Variants in ITSN2 observed in about 807,000 individuals in gnomAD.
ITSN2 encodes the protein intersectin-2.
A neutral mutation model predicts 243.7 loss-of-function variants in ITSN2; 156 were observed. That is an observed-to-expected ratio of 0.64 (90% CI 0.56 to 0.73). The LOEUF (loss-of-function observed/expected upper bound fraction) is 0.73, where lower values mean the gene tolerates loss of function less well. Among genes scored for constraint, ITSN2 ranks in the 30% least tolerant of loss-of-function variants. ITSN2 has a pLI of 0.00. For missense variants in ITSN2, 1,801 were observed against 1,996.1 expected (o/e 0.90, Z 1.86); for synonymous variants, 703 against 699.9 (o/e 1.00, Z -0.07).
chr2:24,342,205 A>G lies in ITSN2; in HGVS notation c.-33-14090T>C, dbSNP rs80297344. Among the ~76,000 whole-genome samples the G allele has an allele frequency of 7.4e-3, 1,128 of 152,000 alleles. 8 individuals are homozygous for G. Among genetic ancestry groups the G allele is most frequent in the African/African-American group, 0.026 (1,088 of 41,442 alleles). ...CTTCTACCATTTTTTTTTCTTTTAG[A>G]GATATATAATCTTTTTGAGACAGTC... On this transcript the variant is annotated intron_variant, in intron 1 of 39. Transcript: ENST00000355123.
At position 24,203,386 on chromosome 2, in the gene ITSN2, CAG is replaced by C. The variant is rs1364785241; in HGVS notation, c.*238_*239del. On this transcript the variant is annotated 3_prime_UTR_variant, in exon 40 of 40. Transcript: ENST00000355123. ...ATGGAAACCTTGGCATCTAAACAAA[CAG>C]AGCTGAACATGTGAACACTAGGACA... 5.1e-6 allele frequency: 2 copies of C among 389,022 alleles called. No individual in the cohort carries two copies. Among genetic ancestry groups the C allele is most frequent in the East Asian group, 3.8e-5 (1 of 26,506 alleles). The allele number at this position is 389,022 out of a possible 1,614,324, so 24.1% of individuals were successfully genotyped here. A position where few individuals can be genotyped will look rare whatever the true frequency, so the allele number is the denominator to read the frequency against.
At chr2:24,351,944 G>C (rs936422276) in intron 1 of ITSN2, among the ~76,000 whole-genome samples, 1 of 151,896 alleles carries the variant, frequency 6.6e-6, no homozygotes, top group African/African-American at 2.4e-5. Context: ...AATATAGAAG[G>C]GAAAAAATTG....
chr2:24,249,647 C>T lies in ITSN2; in HGVS notation c.3121-765G>A, dbSNP rs142244683. On this transcript the variant is annotated intron_variant, in intron 25 of 39. Coordinates refer to ENST00000355123, the MANE Select transcript of ITSN2 (RefSeq NM_006277.3). The surrounding 1 kb of genome is among the most constrained non-coding windows in gnomAD (Gnocchi z 4.4). ...CATATATTCTGCTATTTAATTTTCA[C>T]AATAACACTATTAAGTAATTATGAT... Among the ~76,000 whole-genome samples the T allele has an allele frequency of 1.9e-3, 289 of 152,306 alleles. 2 individuals carry two copies. Among genetic ancestry groups the T allele is most frequent in the African/African-American group, 6.9e-3 (287 of 41,558 alleles).
intron 1 of ITSN2, among the ~76,000 whole-genome samples, chr2:24,358,037 C>CA (rs1688610859): frequency 6.6e-6 from 1 of 152,202 alleles, no homozygotes; most frequent in Non-Finnish European, 1.5e-5. Flanking sequence ...CCTCAGCCTC[C>CA]TGAGTACCTG....
intron 2 of ITSN2, among the ~76,000 whole-genome samples, chr2:24,318,541 A>G (rs1367171376): frequency 6.6e-6 from 1 of 152,174 alleles, no homozygotes; most frequent in Non-Finnish European, 1.5e-5. Context: ...CACATACTTT[A>G]AAGTAAGATA....
intron 29 of ITSN2, among the ~76,000 whole-genome samples, chr2:24,242,394 T>C (rs1360231652): frequency 2.0e-5 from 3 of 151,980 alleles, no homozygotes; most frequent in Non-Finnish European, 4.4e-5. Context: ...GAAACACAAA[T>C]GGTAATCTAT....
At chr2:24,241,751 G>T (rs1366215448) in intron 29 of ITSN2, 1 of 152,504 alleles carries the variant, frequency 6.6e-6, no homozygotes, top group East Asian at 1.9e-4. Context: ...CATAATAGCA[G>T]AACATAAGCA....
At chr2:24,329,775 TAAACA>T (rs1685572152) in intron 1 of ITSN2, among the ~76,000 whole-genome samples, 1 of 152,240 alleles carries the variant, frequency 6.6e-6, no homozygotes, top group Admixed American at 6.5e-5. Flanking sequence ...ACAGCCATTT[TAAACA>T]AAGAAGGCAT....
At chr2:24,251,705 AT>A (rs1674319720) in intron 25 of ITSN2, among the ~76,000 whole-genome samples, 2 of 150,746 alleles carry the variant, frequency 1.3e-5, no homozygotes, top group South Asian at 4.2e-4. Flanking sequence ...TTCATGATAA[AT>A]ACGGCTGTTT....
At position 24,271,766 on chromosome 2, in the gene ITSN2, G is replaced by GT. The variant is rs758269426; in HGVS notation, c.2256dup (p.Arg753ThrfsTer2). On this transcript the variant is annotated frameshift_variant and splice_region_variant, in exon 19 of 40. Coordinates refer to ENST00000355123, the MANE Select transcript of ITSN2 (RefSeq NM_006277.3). LOFTEE classifies it high-confidence loss of function. ...TGTCTCAAAGTATCCTTATCCTTAC[G>GT]TTTTTTCTCCTCAGCTTTCAAAGTA... is the stretch of plus-strand genomic sequence containing the variant. 2.1e-5 allele frequency: 33 copies of GT among 1,575,062 alleles called. No individual in the cohort carries two copies. Among genetic ancestry groups the GT allele is most frequent in the South Asian group, 3.7e-5 (3 of 81,640 alleles).
At chr2:24,292,116 G>A (rs1043368506) in intron 15 of ITSN2, among the ~76,000 whole-genome samples, 2 of 152,144 alleles carry the variant, frequency 1.3e-5, no homozygotes, top group African/African-American at 4.8e-5. Flanking sequence ...AATCTTAAAT[G>A]GCAATTGTTA....
At chr2:24,231,308 G>T (rs1366584568) in intron 29 of ITSN2, among the ~76,000 whole-genome samples, 1 of 152,154 alleles carries the variant, frequency 6.6e-6, no homozygotes, top group African/African-American at 2.4e-5. Flanking sequence ...CATCCCCAGT[G>T]TCTGACACAC....
intron 29 of ITSN2, among the ~76,000 whole-genome samples, chr2:24,232,636 A>T (rs1671743420): frequency 6.6e-6 from 1 of 152,232 alleles, no homozygotes; most frequent in Admixed American, 6.5e-5. Context: ...TATGTGTATG[A>T]TGATTTTCAA....
At position 24,326,268 on chromosome 2, in the gene ITSN2, A is replaced by C. The variant is rs376813405; in HGVS notation, c.31+1784T>G. Among the ~76,000 whole-genome samples, 18 of 152,292 alleles carry C rather than the reference A, an allele frequency of 1.2e-4. No homozygotes were observed. The East Asian group carries it at 2.1e-3, about 18-fold the overall frequency. ...CAACATTTTAGATGATTATTCACAT[A>C]ATCATTCTTTTGTTATTGAATAGTC... On this transcript the variant is annotated intron_variant, in intron 2 of 39. Transcript: ENST00000355123.
chr2:24,311,062 T>TACACACACAC (rs71397421), intron 5 of ITSN2, among the ~76,000 whole-genome samples: 21 of 147,884 alleles, frequency 1.4e-4, no homozygotes, highest in African/African-American at 5.2e-4. Context: ...ACTTGACTAA[T>TACACACACAC]ACACACACAC....
chr2:24,288,207 AG>A (rs1028080852), intron 15 of ITSN2, among the ~76,000 whole-genome samples: 1 of 152,092 alleles, frequency 6.6e-6, no homozygotes, highest in African/African-American at 2.4e-5. Flanking sequence ...GTATGGTATA[AG>A]GCTCCAATTT....
chr2:24,283,740 G>A (rs970659901), intron 17 of ITSN2, among the ~76,000 whole-genome samples: 2 of 152,180 alleles, frequency 1.3e-5, no homozygotes, highest in African/African-American at 4.8e-5. Flanking sequence ...AGTAAAACAA[G>A]GGACAAGAAT....
At position 24,270,735 on chromosome 2, in the gene ITSN2, G is replaced by A; in HGVS notation, c.2291C>T (p.Ala764Val). 1 of 1,599,472 alleles carries A rather than the reference G, an allele frequency of 6.3e-7. No homozygotes were observed. Among genetic ancestry groups the A allele is most frequent in the East Asian group, 2.2e-5 (1 of 44,732 alleles). ...ETASVLVNYR[A>V]LYPFEARNHD... ...GTTCCTTGCTTCAAAGGGGTATAAT[G>A]CTCTATAATTCACCAAAACACTAGC... is the stretch of plus-strand genomic sequence containing the variant. The change falls in exon 20 of 40, where the codon GCA becomes GTA. Residue 764 changes from alanine (A) to valine (V), a missense_variant. By Grantham distance (64) the Ala-to-Val change is moderately conservative (BLOSUM62 0). Coordinates refer to ENST00000355123, the MANE Select transcript of ITSN2 (RefSeq NM_006277.3).
chr2:24,330,316 G>A (rs145045419), intron 1 of ITSN2: 135 of 415,532 alleles, frequency 3.2e-4, no homozygotes, highest in Non-Finnish European at 4.8e-4. Flanking sequence ...AGAAGAAGAC[G>A]CGAGAACGAA....
Sources: allele counts gnomAD v4.1 joint callset (sites outside exome capture counted in the v4.1 genomes callset), GRCh38; gene constraint gnomAD v4.1.1; non-coding constraint Gnocchi (gnomAD v3.1); transcripts MANE v1.5; gene names NCBI Gene and HGNC (gene_info 2026-07-23, HGNC 2026-07-21).